GLI2: variants seen among roughly 807,000 people sequenced by gnomAD.
GLI2 encodes GLI family zinc finger 2.
GLI2 carries 22 observed loss-of-function variants against 78.9 expected under a neutral mutation model. The ratio of observed to expected loss-of-function variants is 0.28; its 90% CI spans 0.20 to 0.40. GLI2 has a LOEUF of 0.40. Ranked by LOEUF, GLI2 falls within the 10% of genes least tolerant of loss-of-function variation. The pLI, the probability that GLI2 is intolerant of heterozygous loss-of-function variation, is 1.00. For synonymous variants in GLI2, 974 were observed against 963.7 expected, an observed-to-expected ratio of 1.01 and a Z score of -0.20; for missense variants, 2,097 against 2,213.2, an observed-to-expected ratio of 0.95 and a Z score of 1.05.
chr2:120,863,022 T>C (rs1687972989), intron 2 of GLI2, among the ~76,000 whole-genome samples: 1 of 152,220 alleles, frequency 6.6e-6, no homozygotes, highest in South Asian at 2.1e-4. Flanking sequence ...TTTTCATCCA[T>C]GTTAACAACA....
chr2:120,984,804 C>T (rs991227918), intron 12 of GLI2, 61 bp downstream of exon 12: 2 of 1,569,670 alleles, frequency 1.3e-6, no homozygotes, highest in African/African-American at 1.3e-5. Context: ...CCAGGGCCAC[C>T]CCTTGCCACG....
At chr2:120,796,288 T>G (rs1436271149) in intron 1 of GLI2, among the ~76,000 whole-genome samples, 1 of 152,034 alleles carries the variant, frequency 6.6e-6, no homozygotes, top group African/African-American at 2.4e-5. Context: ...TGTCCATGTT[T>G]CACCAGCTCC....
intron 1 of GLI2, among the ~76,000 whole-genome samples, chr2:120,773,214 T>C (rs916739643): frequency 3.9e-5 from 6 of 152,182 alleles, no homozygotes; most frequent in Non-Finnish European, 2.9e-5. Context: ...TGTTAAGCTC[T>C]GAATAAGTCT....
At chr2:120,942,849 C>T (rs951183182) in intron 3 of GLI2, among the ~76,000 whole-genome samples, 5 of 130,280 alleles carry the variant, frequency 3.8e-5, no homozygotes, top group Non-Finnish European at 8.3e-5. Context: ...TTCATTCATT[C>T]GTTCACGCCC....
At chr2:120,978,937 GA>G (rs1171123776) in intron 10 of GLI2, among the ~76,000 whole-genome samples, 2 of 152,174 alleles carry the variant, frequency 1.3e-5, no homozygotes, top group African/African-American at 4.8e-5. Flanking sequence ...GCTCTGCAGA[GA>G]AAAAAACATC....
intron 13 of GLI2, 22 bp downstream of exon 13, chr2:120,986,636 G>C: frequency 6.3e-7 from 1 of 1,599,808 alleles, no homozygotes; most frequent in Non-Finnish European, 8.6e-7. Flanking sequence ...CCTGGGGTTT[G>C]CAGATGGGGC....
At position 120,989,256 on chromosome 2, in the gene GLI2, C is replaced by T. The variant is rs760876044; in HGVS notation, c.3291C>T (p.Asp1097=). Residue 1097 remains aspartate (D), a synonymous_variant, in exon 14 of 14, where the codon GAC becomes GAT. Transcript: ENST00000361492. ...LHGQRRMVAA[D]SNVGPSAPML... The stretch of plus-strand genomic sequence containing the variant: ...GCCAGCGCAGGATGGTGGCTGCGGA[C>T]TCCAACGTGGGCCCCTCCGCCCCTA... The T allele has an allele frequency of 6.2e-7, 1 of 1,613,150 alleles. No individual in the cohort carries two copies. Among genetic ancestry groups the T allele is most frequent in the East Asian group, 2.2e-5 (1 of 44,880 alleles).
At chr2:120,740,335 ACT>A in intron 1 of GLI2, among the ~76,000 whole-genome samples, 1 of 152,086 alleles carries the variant, frequency 6.6e-6, no homozygotes. Context: ...GGGGAAAGTA[ACT>A]CATTTAAGAT....
intron 2 of GLI2, among the ~76,000 whole-genome samples, chr2:120,883,597 C>A (rs557154795): frequency 2.0e-5 from 3 of 152,152 alleles, no homozygotes; most frequent in Non-Finnish European, 4.4e-5. Flanking sequence ...TACGCTGACC[C>A]GTTAAGTCCC....
chr2:120,865,855 G>A (rs1210206172), intron 2 of GLI2, among the ~76,000 whole-genome samples: 2 of 152,220 alleles, frequency 1.3e-5, no homozygotes, highest in African/African-American at 4.8e-5. Context: ...GTCCCACTCC[G>A]GGTACCCCAG....
intron 9 of GLI2, among the ~76,000 whole-genome samples, chr2:120,977,575 G>A (rs753242948): frequency 1.3e-5 from 2 of 152,144 alleles, no homozygotes; most frequent in Non-Finnish European, 2.9e-5. Flanking sequence ...AAGTGAAGAC[G>A]GGGGAGGAAA....
chr2:120,874,551 G>A (rs1009773297), intron 2 of GLI2, among the ~76,000 whole-genome samples: 6 of 152,230 alleles, frequency 3.9e-5, no homozygotes, highest in Admixed American at 3.9e-4. Flanking sequence ...TCCTGTCTGT[G>A]TAGACAGGCC....
chr2:120,907,453 C>G (rs1033435412), intron 2 of GLI2, among the ~76,000 whole-genome samples: 2 of 152,190 alleles, frequency 1.3e-5, no homozygotes, highest in East Asian at 3.9e-4. Context: ...TGGCAATGGC[C>G]TCTCGTAGGA....
At chr2:120,909,254 G>A (rs1262742291) in intron 2 of GLI2, among the ~76,000 whole-genome samples, 5 of 152,042 alleles carry the variant, frequency 3.3e-5, no homozygotes, top group Non-Finnish European at 2.9e-5. Flanking sequence ...CCCACCTGGT[G>A]TTCCCTGCCT....
At chr2:120,893,404 C>A (rs550442165) in intron 2 of GLI2, among the ~76,000 whole-genome samples, 1 of 152,210 alleles carries the variant, frequency 6.6e-6, no homozygotes, top group East Asian at 1.9e-4. Flanking sequence ...GTGCCCCCAG[C>A]CCCCGCTGGC....
chr2:120,918,700 CAA>C (rs1679221046), intron 2 of GLI2, among the ~76,000 whole-genome samples: 1 of 152,216 alleles, frequency 6.6e-6, no homozygotes, highest in South Asian at 2.1e-4. Flanking sequence ...CTCGGCCTCC[CAA>C]AGAGTTGGGA....
chr2:120,944,598 G>A (rs1008611807), intron 3 of GLI2, among the ~76,000 whole-genome samples: 2 of 152,190 alleles, frequency 1.3e-5, no homozygotes, highest in Admixed American at 6.5e-5. Flanking sequence ...CAACCTTCTC[G>A]AGAACTGAGA....
chr2:120,926,072 C>CA (rs35224973), intron 2 of GLI2, among the ~76,000 whole-genome samples: 54,115 of 63,164 alleles, frequency 0.86, 25,177 homozygotes, highest in Middle Eastern at 0.94. Flanking sequence ...GACTCCGTCT[C>CA]AAAAAAAAAA....
chr2:120,857,109 G>A (rs539133185), intron 2 of GLI2, among the ~76,000 whole-genome samples: 13 of 152,262 alleles, frequency 8.5e-5, no homozygotes, highest in Admixed American at 6.5e-4. Context: ...CACCCAAGAC[G>A]TGCAGGGCTG....
Sources: allele counts gnomAD v4.1 joint callset (sites outside exome capture counted in the v4.1 genomes callset), GRCh38; gene constraint gnomAD v4.1.1; transcripts MANE v1.5; gene names NCBI Gene and HGNC (gene_info 2026-07-23, HGNC 2026-07-21).